ADD2: variants seen among roughly 807,000 people sequenced by gnomAD.
The protein encoded by ADD2 is adducin 2, also known as beta-adducin.
Under a neutral mutation model 83.0 loss-of-function variants are expected in ADD2, and 23 were observed. The ratio of observed to expected loss-of-function variants is 0.28; its 90% CI spans 0.20 to 0.39. ADD2 has a LOEUF of 0.39. Among genes scored for constraint, ADD2 ranks in the 10% least tolerant of loss-of-function variants. The pLI, the probability that ADD2 is intolerant of heterozygous loss-of-function variation, is 1.00. For synonymous variants in ADD2, 375 were observed against 375.4 expected (o/e 1.00, Z 0.01); for missense variants, 758 against 944.9 (o/e 0.80, Z 2.59).
chr2:70,714,731 T>A (rs559689981), intron 1 of ADD2, among the ~76,000 whole-genome samples: 1 of 152,220 alleles, frequency 6.6e-6, no homozygotes, highest in Non-Finnish European at 1.5e-5. Context: ...TGGGGTTTGC[T>A]GATGTATCTC....
intron 1 of ADD2, among the ~76,000 whole-genome samples, chr2:70,742,641 G>A (rs1673976171): frequency 6.6e-6 from 1 of 152,128 alleles, no homozygotes; most frequent in Non-Finnish European, 1.5e-5. Context: ...GAACAACAGT[G>A]AATGAAATAA....
chr2:70,707,547 G>A lies in ADD2; in HGVS notation c.-34-1105C>T, dbSNP rs1488282294. Among the ~76,000 whole-genome samples, 11 of 21,634 alleles carry A rather than the reference G, an allele frequency of 5.1e-4. 1 individual carries two copies. Among genetic ancestry groups the A allele is most frequent in the East Asian group, 4.5e-3 (3 of 668 alleles). 14.2% of individuals were successfully genotyped at this position (21,634 alleles called of 152,430 possible). ...CCTGCAGTTCCGGGCTTCACTTCCC[G>A]GCAGTGGGAATTTGCGAAGCCCGTC... On this transcript the variant is annotated intron_variant, in intron 2 of 15. Coordinates refer to ENST00000264436, the MANE Select transcript of ADD2 (RefSeq NM_001617.4).
chr2:70,695,721 C>G lies in ADD2; in HGVS notation c.555G>C (p.Leu185=), dbSNP rs1553372473. 1 of 1,613,986 alleles carries G rather than the reference C, an allele frequency of 6.2e-7. No homozygotes were observed. Among genetic ancestry groups the G allele is most frequent in the African/African-American group, 1.3e-5 (1 of 75,032 alleles). The stretch of plus-strand genomic sequence containing the variant: ...GGCAGTGATGCTGGACTGTACTCAC[C>G]AGGCTGGACGCTGTGACTTCACTGC... ...VSCSEVTASS[L]IKVNILGEVV... is the part of the protein sequence containing the mutation. Residue 185 remains leucine, a splice_region_variant and synonymous_variant, in exon 6 of 16, where the codon CTG becomes CTC. Transcript: ENST00000264436.
chr2:70,685,622 T>C (rs977598301), intron 9 of ADD2, among the ~76,000 whole-genome samples: 2 of 152,158 alleles, frequency 1.3e-5, no homozygotes, highest in Non-Finnish European at 2.9e-5. Context: ...AAAATGAAAA[T>C]AGCAGAACCT....
intron 1 of ADD2, 95 bp downstream of exon 1, chr2:70,767,791 A>C: frequency 6.7e-7 from 1 of 1,501,946 alleles, no homozygotes; most frequent in Admixed American, 2.1e-5. Flanking sequence ...CACCTGGGCC[A>C]AGCGGCTCCC....
chr2:70,744,816 T>C (rs902374691), intron 1 of ADD2, among the ~76,000 whole-genome samples: 1 of 151,852 alleles, frequency 6.6e-6, no homozygotes, highest in African/African-American at 2.4e-5. Flanking sequence ...GATGTTCAGG[T>C]GGGGAAGACC....
rs1675426345 is a variant in ADD2 at position 70,658,218 on chromosome 2, A to T, written c.*5207T>A. ...TTCTCCACTAAGGGACACCCCACTGAAGTCCCCACACTGCTTCCCGGTGAG... is the reference window on the plus strand; with the variant it reads ...TTCTCCACTAAGGGACACCCCACTGTAGTCCCCACACTGCTTCCCGGTGAG... On this transcript the variant is annotated 3_prime_UTR_variant, in exon 16 of 16. Coordinates refer to ENST00000264436, the MANE Select transcript of ADD2 (RefSeq NM_001617.4). The T allele has an allele frequency of 6.6e-6, 1 of 152,190 alleles. No homozygotes were observed. Among genetic ancestry groups the T allele is most frequent in the Non-Finnish European group, 1.5e-5 (1 of 68,042 alleles). 9.4% of individuals were successfully genotyped at this position (152,190 alleles called of 1,614,324 possible).
intron 3 of ADD2, among the ~76,000 whole-genome samples, chr2:70,705,298 C>T (rs1248600466): frequency 1.3e-5 from 2 of 152,224 alleles, no homozygotes; most frequent in Non-Finnish European, 2.9e-5. Flanking sequence ...CGGCCCATTC[C>T]CTGGAGCTGC....
chr2:70,690,855 G>A lies in ADD2; in HGVS notation c.780C>T (p.Asp260=). 1 of 1,614,188 alleles carries A rather than the reference G, an allele frequency of 6.2e-7. No homozygotes were observed. Among genetic ancestry groups the A allele is most frequent in the Non-Finnish European group, 8.5e-7 (1 of 1,180,032 alleles). Residue 260 remains aspartate (D), a synonymous_variant, in exon 8 of 16, where the codon GAC becomes GAT. Coordinates refer to ENST00000264436, the MANE Select transcript of ADD2 (RefSeq NM_001617.4). ...ALLVGDMAYY[D]FNGEMEQEAD... ...CTTCCTGCTCCATTTCCCCATTGAA[G>A]TCATAATAGGCCATGTCCCCCACCA...
At chr2:70,691,390 C>A (rs1214205253) in intron 7 of ADD2, among the ~76,000 whole-genome samples, 1 of 150,648 alleles carries the variant, frequency 6.6e-6, no homozygotes, top group Non-Finnish European at 1.5e-5. Flanking sequence ...CAATTTTTAA[C>A]AAACAGAGAG....
At chr2:70,754,196 C>G (rs1674659207) in intron 1 of ADD2, among the ~76,000 whole-genome samples, 1 of 152,200 alleles carries the variant, frequency 6.6e-6, no homozygotes, top group South Asian at 2.1e-4. Flanking sequence ...TTGCCTTTAA[C>G]TGAGTTTTGA....
In ADD2 at chr2:70,704,410, C is replaced by T. The variant is rs1671784435; in HGVS notation, c.233G>A (p.Gly78Glu). 28 of 1,614,154 alleles carry T rather than the reference C, an allele frequency of 1.7e-5. No individual in the cohort carries two copies. Among genetic ancestry groups the T allele is most frequent in the Non-Finnish European group, 2.3e-5 (27 of 1,180,026 alleles). The change falls in exon 4 of 16, where the codon GGG (glycine) becomes GAG (glutamate). Residue 78 changes from glycine to glutamate, a missense_variant. This residue lies in a region of ADD2 where 175 missense variants were observed against 192.1 expected (regional missense o/e 0.91). Coordinates refer to ENST00000264436, the MANE Select transcript of ADD2 (RefSeq NM_001617.4). Reference protein sequence around the residue: ...EGLIQEQMKKGNNSSNIWALR... With the variant: ...EGLIQEQMKKENNSSNIWALR... ...GGCCCAGATGTTGGAGGAGTTGTTC[C>T]CCTTCTTCATCTGCTCCTGGATGAG...
At chr2:70,720,018 A>G (rs1672655982) in intron 1 of ADD2, among the ~76,000 whole-genome samples, 1 of 137,996 alleles carries the variant, frequency 7.2e-6, no homozygotes, top group Non-Finnish European at 1.5e-5. Flanking sequence ...AATAGAATAA[A>G]CCATATCCTA....
At chr2:70,731,845 G>A (rs1362583199) in intron 1 of ADD2, among the ~76,000 whole-genome samples, 1 of 152,210 alleles carries the variant, frequency 6.6e-6, no homozygotes, top group African/African-American at 2.4e-5. Flanking sequence ...TATGTGTCAT[G>A]TCAGGCAGTC....
intron 1 of ADD2, among the ~76,000 whole-genome samples, chr2:70,740,807 C>A (rs1417935198): frequency 1.3e-5 from 2 of 152,170 alleles, no homozygotes; most frequent in African/African-American, 4.8e-5. Flanking sequence ...TCAAGTGATT[C>A]TCCCACCCCA....
At chr2:70,705,250 G>T (rs999712715) in intron 3 of ADD2, among the ~76,000 whole-genome samples, 4 of 152,056 alleles carry the variant, frequency 2.6e-5, no homozygotes, top group Non-Finnish European at 4.4e-5. Context: ...ATTCCTCCCA[G>T]CTCCCCAACA....
chr2:70,746,507 C>T (rs183205067), intron 1 of ADD2, among the ~76,000 whole-genome samples: 4 of 152,252 alleles, frequency 2.6e-5, no homozygotes, highest in Non-Finnish European at 4.4e-5. Context: ...AAGTAGGTAC[C>T]ACCAAGATGA....
chr2:70,690,702 T>C (rs1362738864), intron 8 of ADD2, 84 bp downstream of exon 8: 3 of 1,463,500 alleles, frequency 2.0e-6, no homozygotes, highest in African/African-American at 1.4e-5. Context: ...CCTCCCTTAT[T>C]GTCCAATGAA....
At chr2:70,758,062 C>A (rs1553384161) in intron 1 of ADD2, among the ~76,000 whole-genome samples, 1 of 152,152 alleles carries the variant, frequency 6.6e-6, no homozygotes, top group Non-Finnish European at 1.5e-5. Context: ...TTCTGGTTAC[C>A]AGGGAGGCTG....
Sources: gnomAD v4.1 joint callset for allele counts (sites outside exome capture counted in the v4.1 genomes callset) on GRCh38, gnomAD v4.1.1 for gene constraint, gnomAD v4.1.1 regional missense constraint, MANE v1.5 for transcripts, NCBI Gene and HGNC (gene_info 2026-07-23, HGNC 2026-07-21) for gene names.